The following NT5DC2 variants were observed in gnomAD, a reference collection of about 807,000 sequenced individuals.
The protein encoded by NT5DC2 is 5'-nucleotidase domain containing 2, also known as 5'-nucleotidase domain-containing protein 2.
In NT5DC2, 41 loss-of-function variants were observed where a neutral mutation model predicts 70.0. The ratio of observed to expected loss-of-function variants is 0.59; its 90% CI spans 0.46 to 0.76. NT5DC2 has a LOEUF of 0.76. Ranked by LOEUF, NT5DC2 falls within the 30% of genes least tolerant of loss-of-function variation. The pLI is 0.00. For missense variants in NT5DC2, 705 were observed against 783.2 expected, an observed-to-expected ratio of 0.90 and a Z score of 1.19; for synonymous variants, 299 against 310.4, an observed-to-expected ratio of 0.96 and a Z score of 0.39.
chr3:52,533,889 G>C, upstream of NT5DC2: 2 of 955,806 alleles, frequency 2.1e-6, no homozygotes, highest in Non-Finnish European at 2.5e-6. Context: ...GCCTGCCAAT[G>C]GGCGCGCCCC....
chr3:52,534,637 C>T, upstream of NT5DC2: 2 of 1,613,278 alleles, frequency 1.2e-6, no homozygotes, highest in Non-Finnish European at 1.7e-6. Context: ...CTGCGCAGAA[C>T]CGCTCTCCAC....
chr3:52,532,551 A>G (rs1472374601), intron 1 of NT5DC2: 4 of 974,118 alleles, frequency 4.1e-6, no homozygotes, highest in Non-Finnish European at 4.9e-6. Context: ...TCTTCCAGAC[A>G]GGGCTACTTT....
intron 1 of NT5DC2, 32 bp downstream of exon 1, chr3:52,533,473 AC>A: frequency 6.7e-7 from 1 of 1,487,174 alleles, no homozygotes; most frequent in South Asian, 1.2e-5. Context: ...CGCGGAAGAC[AC>A]CCCGGCGCAC....
At chr3:52,534,423 G>T (rs1047766781), upstream of NT5DC2, 5 of 1,575,754 alleles carry the variant, frequency 3.2e-6, no homozygotes, top group African/African-American at 2.7e-5. Flanking sequence ...CGAGGGGCCT[G>T]CAGGGCAGCC....
At chr3:52,534,670 C>A, upstream of NT5DC2, 1 of 1,601,648 alleles carries the variant, frequency 6.2e-7, no homozygotes, top group South Asian at 1.1e-5. Flanking sequence ...TGCTCAGATC[C>A]GTATTCCGAG....
At position 52,529,168 on chromosome 3, in the gene NT5DC2, G is replaced by T; in HGVS notation, c.399C>A (p.Ile133=). The T allele has an allele frequency of 6.2e-7, 1 of 1,614,114 alleles. No individual in the cohort carries two copies. The highest frequency in any genetic ancestry group is 8.5e-7 in the Non-Finnish European group (1 of 1,179,998). ...GTCTCACCTTGTAGTGCTCGATCAG[G>T]ATGTCACGGGCGGTACTGAAGATCT... ...HPEIFSTARD[I]LIEHYKYPEG... The change falls in exon 2 of 14, where the codon ATC becomes ATA. Residue 133 remains isoleucine, a synonymous_variant. Transcript: ENST00000422318. This position sits in a 1 kb window ranked among gnomAD's most constrained non-coding sequence, Gnocchi z 4.1.
At chr3:52,527,434 C>G (rs2079294301) in intron 9 of NT5DC2, 59 bp from the exon 10 acceptor site, 4 of 1,568,768 alleles carry the variant, frequency 2.5e-6, no homozygotes, top group Non-Finnish European at 3.5e-6. Context: ...GGCCGGGCAA[C>G]CCCCATCCCT....
Position 52,529,149 on chromosome 3 carries a change from C to A in NT5DC2, c.417+1G>T. The A allele has an allele frequency of 1.2e-6, 2 of 1,614,086 alleles. No homozygotes were observed. Among genetic ancestry groups the A allele is most frequent in the Non-Finnish European group, 1.7e-6 (2 of 1,179,980 alleles). On this transcript the variant is annotated splice_donor_variant, in intron 2 of 13. Transcript: ENST00000422318. LOFTEE classifies it high-confidence loss of function. This position sits in a 1 kb window ranked among gnomAD's most constrained non-coding sequence, Gnocchi z 4.1. ...GTTGGTGGCAAGGACCCCCGTCTCA[C>A]CTTGTAGTGCTCGATCAGGATGTCA...
intron 10 of NT5DC2, among the ~76,000 whole-genome samples, chr3:52,527,018 C>T (rs2079284597): frequency 6.6e-6 from 1 of 152,178 alleles, no homozygotes; most frequent in Admixed American, 6.5e-5. Flanking sequence ...TATTACACCT[C>T]TTTTGCAGAC....
rs916869397 is a variant in NT5DC2, at chr3:52,525,091, G to T, written c.1219C>A (p.Arg407=). 6.5e-7 allele frequency: 1 copy of T among 1,543,104 alleles called. No individual in the cohort carries two copies. Among genetic ancestry groups the T allele is most frequent in the Non-Finnish European group, 8.7e-7 (1 of 1,143,242 alleles). Residue 407 remains arginine, a synonymous_variant, in exon 12 of 14, where the codon CGG becomes AGG. Transcript: ENST00000422318. ...ATGGCGCCTGTGCGCCAGCCGTGCC[G>T]CAGCATGAGATCCTGGTGGGTGGGG... ...LYSDLADLML[R]HGWRTGAIIP...
chr3:52,526,040 T>TGACA (rs1291680464), intron 10 of NT5DC2: 2 of 131,170 alleles, frequency 1.5e-5, no homozygotes, highest in Non-Finnish European at 3.4e-5. Context: ...GGCAGGAGAC[T>TGACA]GACAGACTCC....
Position 52,527,826 on chromosome 3 carries a change from C to T in NT5DC2, c.935+3G>A. On this transcript the variant is annotated splice_donor_region_variant and intron_variant, in intron 8 of 13. Transcript: ENST00000422318. ...TCCCTCCATCCACAGGGGCTGGACTCACACGAAGCTGAAAGGACTGTTGGT... is the reference window on the plus strand; with the variant it reads ...TCCCTCCATCCACAGGGGCTGGACTTACACGAAGCTGAAAGGACTGTTGGT... 6.2e-7 allele frequency: 1 copy of T among 1,613,294 alleles called. No homozygotes were observed. Among genetic ancestry groups the T allele is most frequent in the Non-Finnish European group, 8.5e-7 (1 of 1,179,990 alleles).
chr3:52,533,957 TC>T, upstream of NT5DC2: 1 of 450,494 alleles, frequency 2.2e-6, no homozygotes, highest in Non-Finnish European at 2.9e-6. Flanking sequence ...CGGGGAGGGC[TC>T]CCCAGCCCCC....
chr3:52,534,062 C>G (rs1478242775), upstream of NT5DC2: 2 of 216,484 alleles, frequency 9.2e-6, no homozygotes, highest in South Asian at 6.7e-5. Flanking sequence ...TGGCCCCAGC[C>G]CTGGAAGTCA....
At chr3:52,534,014 C>T (rs575168334), upstream of NT5DC2, 13 of 249,642 alleles carry the variant, frequency 5.2e-5, no homozygotes, top group African/African-American at 1.4e-4. Flanking sequence ...TCTGCGCCCC[C>T]CTTCGGCCGT....
In NT5DC2 at chr3:52,531,302, G is replaced by C. The variant is rs1035324800; in HGVS notation, c.233-1968C>G. On this transcript the variant is annotated intron_variant, in intron 1 of 13. Transcript: ENST00000422318. The surrounding 1 kb of genome is among the most constrained non-coding windows in gnomAD (Gnocchi z 4.1). Reference sequence around the variant, plus strand: ...TGCAAGTGAGACAGTTGACTGCAACGCTCTAGGGAGCTGCTTCTGAGCCAC... The same window carrying C: ...TGCAAGTGAGACAGTTGACTGCAACCCTCTAGGGAGCTGCTTCTGAGCCAC... Among the ~76,000 whole-genome samples the C allele has an allele frequency of 6.6e-6, 1 of 152,172 alleles. No homozygotes were observed. Among genetic ancestry groups the C allele is most frequent in the Non-Finnish European group, 1.5e-5 (1 of 68,004 alleles).
rs757889353 is a variant in NT5DC2, at chr3:52,524,710, G to C, written c.1434C>G (p.Phe478Leu). The C allele has an allele frequency of 6.2e-7, 1 of 1,612,812 alleles. No individual in the cohort carries two copies. The highest frequency in any genetic ancestry group is 8.5e-7 in the Non-Finnish European group (1 of 1,180,028). ...QELRCITKAL[F>L]NAQFGSIFRT... ...GGAAGATGCTGCCGAACTGCGCATT[G>C]AACAGGGCCTTGGTGATGCACCTGG... is the stretch of plus-strand genomic sequence containing the variant. The change falls in exon 14 of 14, where the codon TTC (phenylalanine) becomes TTG (leucine). Residue 478 changes from phenylalanine to leucine, a missense_variant. Physicochemically the swap from Phe to Leu is conservative, Grantham distance 22 (BLOSUM62 0). Coordinates refer to ENST00000422318, the MANE Select transcript of NT5DC2 (RefSeq NM_001134231.2).
At position 52,533,831 on chromosome 3, in the gene NT5DC2, T is replaced by G. The variant is rs1195040669; in HGVS notation, c.-94A>C. Reference sequence around the variant, plus strand: ...CGACTGCGCGCCCGCCACGGTGGCCTCGTGCTCCTCACGGCGGCCGGCCAA... The same window carrying G: ...CGACTGCGCGCCCGCCACGGTGGCCGCGTGCTCCTCACGGCGGCCGGCCAA... On this transcript the variant is annotated 5_prime_UTR_variant, in exon 1 of 14. Coordinates refer to ENST00000422318, the MANE Select transcript of NT5DC2 (RefSeq NM_001134231.2). The G allele has an allele frequency of 1.3e-5, 13 of 979,558 alleles. No individual in the cohort carries two copies. Among genetic ancestry groups the G allele is most frequent in the African/African-American group, 1.8e-5 (1 of 56,160 alleles). 60.7% of individuals were successfully genotyped at this position (979,558 alleles called of 1,614,324 possible). A position where few individuals can be genotyped will look rare whatever the true frequency, so the allele number is the denominator to read the frequency against.
In NT5DC2 at chr3:52,524,689, G is replaced by T. The variant is rs773049149; in HGVS notation, c.1455C>A (p.Ile485=). Residue 485 remains isoleucine (I), a synonymous_variant, in exon 14 of 14, where the codon ATC becomes ATA. Transcript: ENST00000422318. ...AGGTGGGGTTGTGGAAGGTGCGGAA[G>T]ATGCTGCCGAACTGCGCATTGAACA... ...KALFNAQFGS[I]FRTFHNPTYF... The T allele has an allele frequency of 1.9e-6, 3 of 1,612,820 alleles. No homozygotes were observed. Among genetic ancestry groups the T allele is most frequent in the South Asian group, 2.2e-5 (2 of 91,090 alleles).
Sources: gnomAD v4.1 joint callset for allele counts (sites outside exome capture counted in the v4.1 genomes callset) on GRCh38, gnomAD v4.1.1 for gene constraint, Gnocchi (gnomAD v3.1) non-coding constraint, MANE v1.5 for transcripts, NCBI Gene and HGNC (gene_info 2026-07-23, HGNC 2026-07-21) for gene names.